MAN2A1: variants seen among roughly 807,000 people sequenced by gnomAD.
MAN2A1 encodes alpha-mannosidase 2.
A neutral mutation model predicts 142.6 loss-of-function variants in MAN2A1; 76 were observed. That is an observed-to-expected ratio of 0.53 (90% CI 0.44 to 0.65). The LOEUF (loss-of-function observed/expected upper bound fraction) is 0.65, where lower values mean the gene tolerates loss of function less well. MAN2A1 is among the 30% of genes least tolerant of loss of function. The pLI, the probability that MAN2A1 is intolerant of heterozygous loss-of-function variation, is 0.00. For synonymous variants in MAN2A1, 559 were observed against 473.2 expected (o/e 1.18, Z -2.35); for missense variants, 1,311 against 1,365.1 (o/e 0.96, Z 0.62).
At chr5:109,780,131 C>T (rs886593972) in intron 8 of MAN2A1, among the ~76,000 whole-genome samples, 1 of 152,122 alleles carries the variant, frequency 6.6e-6, no homozygotes, top group Non-Finnish European at 1.5e-5. Flanking sequence ...GATCTCTGCT[C>T]ACTGCAAGGT....
At position 109,840,654 on chromosome 5, in the gene MAN2A1, C is replaced by T. The variant is rs1336851924; in HGVS notation, c.2567-1674C>T. On this transcript the variant is annotated intron_variant, in intron 16 of 21. Transcript: ENST00000261483. ...TCCCTGGGACGTTTAAACACATTTTCAGGTTCTACAGCAACCTTCTCTGCT... is the reference window on the plus strand; with the variant it reads ...TCCCTGGGACGTTTAAACACATTTTTAGGTTCTACAGCAACCTTCTCTGCT... 6.6e-6 allele frequency: 3 copies of T among 455,816 alleles called. No individual in the cohort carries two copies. The Admixed American group carries it at 7.2e-5, about 11-fold the overall frequency. 28.2% of individuals were successfully genotyped at this position (455,816 alleles called of 1,614,324 possible).
chr5:109,765,471 G>A (rs978079077), intron 5 of MAN2A1, among the ~76,000 whole-genome samples: 58 of 152,244 alleles, frequency 3.8e-4, no homozygotes, highest in Admixed American at 2.0e-3. Flanking sequence ...GGCATGTGAT[G>A]TCTCTGTCCT....
At chr5:109,755,282 C>T (rs772819219) in intron 4 of MAN2A1, 47 bp from the exon 5 acceptor site, 3 of 1,479,890 alleles carry the variant, frequency 2.0e-6, no homozygotes, top group Non-Finnish European at 2.8e-6. Flanking sequence ...TTCATTTGAA[C>T]TTTTCTTAAC....
At chr5:109,808,505 T>C (rs1229886100) in intron 12 of MAN2A1, among the ~76,000 whole-genome samples, 2 of 152,136 alleles carry the variant, frequency 1.3e-5, no homozygotes, top group Non-Finnish European at 2.9e-5. Context: ...AAAAATTCTT[T>C]ATAAATATTT....
At chr5:109,832,738 C>G (rs182932010) in intron 16 of MAN2A1, among the ~76,000 whole-genome samples, 23 of 150,206 alleles carry the variant, frequency 1.5e-4, no homozygotes, top group Non-Finnish European at 7.4e-5. Context: ...CCCCACTTCC[C>G]TCCCGGATGG....
intron 4 of MAN2A1, among the ~76,000 whole-genome samples, chr5:109,734,306 A>G (rs998658017): frequency 2.7e-5 from 4 of 150,228 alleles, no homozygotes; most frequent in African/African-American, 9.8e-5. Context: ...ATCTTTTGAA[A>G]AAAAAAAAAA....
intron 4 of MAN2A1, among the ~76,000 whole-genome samples, chr5:109,755,058 G>A (rs1307278853): frequency 6.6e-6 from 1 of 152,148 alleles, no homozygotes; most frequent in Admixed American, 6.5e-5. Flanking sequence ...GAATCTTTGA[G>A]GCTGTATGGG....
At position 109,819,733 on chromosome 5, in the gene MAN2A1, G is replaced by C; in HGVS notation, c.2174G>C (p.Ser725Thr). 6.2e-7 allele frequency: 1 copy of C among 1,612,382 alleles called. No individual in the cohort carries two copies. Residue 725 changes from serine (S) to threonine (T), a missense_variant, in exon 14 of 22, where the codon AGT (serine) becomes ACT (threonine). By Grantham distance (58) the Ser-to-Thr change is moderately conservative (BLOSUM62 1). This residue lies in a region of MAN2A1 where 890 missense variants were observed against 920.5 expected (regional missense o/e 0.97). Transcript: ENST00000261483. ...LKVYKILESA[S>T]SNSHLADYVL... ...GTGTATAAGATTTTGGAATCAGCAA[G>C]TTCAAATTCACATTTAGCTGATTAT... is the stretch of plus-strand genomic sequence containing the variant.
At chr5:109,827,574 T>C (rs921600233) in intron 16 of MAN2A1, among the ~76,000 whole-genome samples, 3 of 152,244 alleles carry the variant, frequency 2.0e-5, no homozygotes, top group Non-Finnish European at 4.4e-5. Context: ...GTTTTTGGTT[T>C]GGTATTTAAC....
intron 20 of MAN2A1, among the ~76,000 whole-genome samples, chr5:109,857,708 T>G (rs899525922): frequency 6.6e-6 from 1 of 152,220 alleles, no homozygotes; most frequent in African/African-American, 2.4e-5. Context: ...TTTGACTATT[T>G]TCTTGTAATA....
chr5:109,783,444 G>T (rs1037737450), intron 9 of MAN2A1, among the ~76,000 whole-genome samples: 1 of 152,094 alleles, frequency 6.6e-6, no homozygotes, highest in Non-Finnish European at 1.5e-5. Context: ...AGGAATATTT[G>T]CCATGGATAT....
chr5:109,750,032 C>T (rs1752504528), intron 4 of MAN2A1, among the ~76,000 whole-genome samples: 1 of 151,970 alleles, frequency 6.6e-6, no homozygotes, highest in Non-Finnish European at 1.5e-5. Context: ...TCTGTTATTG[C>T]TTGTAAATAT....
chr5:109,782,671 GT>G (rs967934569), intron 9 of MAN2A1, among the ~76,000 whole-genome samples: 30 of 152,074 alleles, frequency 2.0e-4, no homozygotes, highest in African/African-American at 7.0e-4. Flanking sequence ...TTATATGGTA[GT>G]TTTTTATTGT....
At chr5:109,742,211 T>A (rs1250382367) in intron 4 of MAN2A1, among the ~76,000 whole-genome samples, 1 of 152,172 alleles carries the variant, frequency 6.6e-6, no homozygotes, top group Non-Finnish European at 1.5e-5. Flanking sequence ...TTGAGACCAG[T>A]GTTGAGTGGA....
At chr5:109,769,024 TAA>T (rs1365677010) in intron 6 of MAN2A1, among the ~76,000 whole-genome samples, 3 of 152,164 alleles carry the variant, frequency 2.0e-5, no homozygotes, top group Non-Finnish European at 4.4e-5. Flanking sequence ...ATGTAGCAGA[TAA>T]AATTAAGTAT....
intron 12 of MAN2A1, among the ~76,000 whole-genome samples, chr5:109,792,822 G>C (rs142572330): frequency 3.9e-5 from 6 of 151,986 alleles, no homozygotes; most frequent in South Asian, 2.1e-4. Context: ...TTAGCTGCCA[G>C]TACTTACACA....
chr5:109,804,790 T>A (rs1203996675), intron 12 of MAN2A1, among the ~76,000 whole-genome samples: 1 of 152,188 alleles, frequency 6.6e-6, no homozygotes. Context: ...TAGATTTCAT[T>A]TGTCAACACA....
chr5:109,784,197 G>T (rs367613594), intron 9 of MAN2A1, among the ~76,000 whole-genome samples: 93 of 152,210 alleles, frequency 6.1e-4, no homozygotes, highest in African/African-American at 2.1e-3. Flanking sequence ...CTCTGTATTT[G>T]TTATATGTTA....
chr5:109,751,930 C>T (rs1436954418), intron 4 of MAN2A1, among the ~76,000 whole-genome samples: 1 of 151,798 alleles, frequency 6.6e-6, no homozygotes, highest in Non-Finnish European at 1.5e-5. Flanking sequence ...TTTAATTGGC[C>T]CCTTTTCTTA....
Sources: allele counts gnomAD v4.1 joint callset (sites outside exome capture counted in the v4.1 genomes callset), GRCh38; gene constraint gnomAD v4.1.1; regional missense constraint gnomAD v4.1.1; transcripts MANE v1.5; gene names NCBI Gene and HGNC (gene_info 2026-07-23, HGNC 2026-07-21).